The following TMEM143 variants were observed in gnomAD, a reference collection of about 807,000 sequenced individuals.
TMEM143 encodes transmembrane protein 143.
In TMEM143, 45 loss-of-function variants were observed where a neutral mutation model predicts 40.3. The observed-to-expected ratio is 1.12, with a 90% CI of 0.88 to 1.43. The LOEUF is 1.43. Ranked by LOEUF, TMEM143 falls within the 40% of genes most tolerant of loss-of-function variation. The pLI, the probability that TMEM143 is intolerant of heterozygous loss-of-function variation, is 0.00. For missense variants in TMEM143, 620 were observed against 613.4 expected, an observed-to-expected ratio of 1.01 and a Z score of -0.11; for synonymous variants, 299 against 282.7, an observed-to-expected ratio of 1.06 and a Z score of -0.58.
Position 48,333,161 on chromosome 19 carries a change from G to T in TMEM143, c.*58C>A. ...TAATAACCGTAATTGACAGCCTGTCGTGAAGGAGGCGGGGCTTAGTTCCTA... is the reference window on the plus strand; with the variant it reads ...TAATAACCGTAATTGACAGCCTGTCTTGAAGGAGGCGGGGCTTAGTTCCTA... On this transcript the variant is annotated 3_prime_UTR_variant, in exon 8 of 8. Transcript: ENST00000293261. The surrounding 1 kb of genome is among the most constrained non-coding windows in gnomAD (Gnocchi z 4.1). 3.1e-6 allele frequency: 4 copies of T among 1,292,424 alleles called. No individual in the cohort carries two copies. The allele number at this position is 1,292,424 out of a possible 1,614,324, so 80.1% of individuals were successfully genotyped here.
At chr19:48,355,047 T>C (rs400615) in intron 3 of TMEM143, among the ~76,000 whole-genome samples, 114,034 of 151,490 alleles carry the variant, frequency 0.75, 43,084 homozygotes, top group Admixed American at 0.84. Context: ...TTAAGAATCT[T>C]GCTCTGTCAC....
In TMEM143 at chr19:48,342,795, C is replaced by T. The variant is rs946058124; in HGVS notation, c.710G>A (p.Arg237Gln). The change falls in exon 6 of 8, where the codon CGG (arginine) becomes CAG (glutamine). Residue 237 changes from arginine to glutamine, a missense_variant. Coordinates refer to ENST00000293261, the MANE Select transcript of TMEM143 (RefSeq NM_018273.4). ...TTTGGTCCGGGCTGCCAGGACCACCCGCTTAAAGTATCTCCTGAGGGACAG... is the reference window on the plus strand; with the variant it reads ...TTTGGTCCGGGCTGCCAGGACCACCTGCTTAAAGTATCTCCTGAGGGACAG... ...LPPAERRYFK[R>Q]VVLAARTKRG... 17 of 1,604,822 alleles carry T rather than the reference C, an allele frequency of 1.1e-5. No homozygotes were observed. Among genetic ancestry groups the T allele is most frequent in the Non-Finnish European group, 1.4e-5 (17 of 1,172,816 alleles).
chr19:48,334,416 C>T (rs1371992116), intron 6 of TMEM143, among the ~76,000 whole-genome samples: 3 of 108,200 alleles, frequency 2.8e-5, no homozygotes, highest in Admixed American at 1.9e-4. Context: ...TTCTTTTTCT[C>T]TCTTTCTTTC....
rs575819180 is a variant in TMEM143, at chr19:48,358,386, A to C, written c.369+1686T>G. Among the ~76,000 whole-genome samples, 515 of 147,926 alleles carry C rather than the reference A, an allele frequency of 3.5e-3. 6 individuals are homozygous for C. Among genetic ancestry groups the C allele is most frequent in the African/African-American group, 0.012 (497 of 40,438 alleles). On this transcript the variant is annotated intron_variant, in intron 3 of 7. Transcript: ENST00000293261. ...GCAGCAGAGTGAGACTCTGTCTCAG[A>C]AAAAAAAAAAAATATATTAGAATAA... is the stretch of plus-strand genomic sequence containing the variant.
At chr19:48,334,256 G>GC in intron 6 of TMEM143, 59 bp from the exon 7 acceptor site, 3 of 1,500,284 alleles carry the variant, frequency 2.0e-6, no homozygotes, top group Non-Finnish European at 2.7e-6. Context: ...CCCATACACA[G>GC]CCCCCGGGGT....
At chr19:48,337,842 G>T (rs751121315) in intron 6 of TMEM143, among the ~76,000 whole-genome samples, 12 of 152,310 alleles carry the variant, frequency 7.9e-5, no homozygotes, top group Non-Finnish European at 1.8e-4. Context: ...CATTTCTTCG[G>T]TTGAGGGCAA....
intron 1 of TMEM143, 51 bp from the exon 2 acceptor site, chr19:48,363,582 C>A (rs1319500320): frequency 5.2e-6 from 8 of 1,544,856 alleles, no homozygotes; most frequent in African/African-American, 1.4e-5. Context: ...AGGAAAAGCG[C>A]CCTCTCCACC....
chr19:48,339,679 G>A (rs1569025486), intron 6 of TMEM143, among the ~76,000 whole-genome samples: 1 of 152,204 alleles, frequency 6.6e-6, no homozygotes, highest in East Asian at 1.9e-4. Context: ...GCGCAGGAGG[G>A]GACCAGCCAG....
At chr19:48,362,134 G>C (rs1970056408) in intron 2 of TMEM143, among the ~76,000 whole-genome samples, 1 of 152,136 alleles carries the variant, frequency 6.6e-6, no homozygotes, top group Admixed American at 6.6e-5. Flanking sequence ...GTATTTGTGT[G>C]TGTACTTGTA....
intron 6 of TMEM143, among the ~76,000 whole-genome samples, chr19:48,334,460 T>TTCTTTC (rs1466459353): frequency 0.038 from 1,742 of 45,872 alleles, 46 homozygotes; most frequent in African/African-American, 0.12. Flanking sequence ...CTTTCTTTCT[T>TTCTTTC]TCTTTCTTTC....
At chr19:48,352,177 G>A (rs1021903368) in intron 3 of TMEM143, among the ~76,000 whole-genome samples, 5 of 135,154 alleles carry the variant, frequency 3.7e-5, no homozygotes, top group African/African-American at 8.2e-5. Context: ...AACCCGGGAG[G>A]CGGAGCTTGC....
intron 2 of TMEM143, among the ~76,000 whole-genome samples, chr19:48,360,894 C>T (rs1421350505): frequency 1.3e-5 from 2 of 152,088 alleles, no homozygotes; most frequent in Non-Finnish European, 2.9e-5. Flanking sequence ...TGAAGCGATC[C>T]TCCCACCTCA....
intron 3 of TMEM143, among the ~76,000 whole-genome samples, chr19:48,353,179 C>G (rs1412507489): frequency 8.8e-6 from 1 of 113,896 alleles, no homozygotes; most frequent in African/African-American, 3.2e-5. Flanking sequence ...AGATCAACGA[C>G]AAACTTTTTT....
intron 3 of TMEM143, among the ~76,000 whole-genome samples, chr19:48,347,656 A>T: frequency 6.6e-6 from 1 of 150,662 alleles, no homozygotes; most frequent in East Asian, 2.0e-4. Context: ...TCCCAGGTTC[A>T]AGCGATTCTC....
rs1970104550 is a variant in TMEM143 at position 48,363,388 on chromosome 19, T to A, written c.167A>T (p.Lys56Met). Residue 56 changes from lysine to methionine, a missense_variant, in exon 2 of 8, where the codon AAG becomes ATG. Coordinates refer to ENST00000293261, the MANE Select transcript of TMEM143 (RefSeq NM_018273.4). Reference protein sequence around the residue: ...SLAAKMGEYRKMWNPREPRDW... With the variant: ...SLAAKMGEYRMMWNPREPRDW... ...GCGGGGCTCCCTGGGGTTCCACATC[T>A]TGCGATACTCCCCCATTTTGGCTGC... The A allele has an allele frequency of 6.2e-7, 1 of 1,614,036 alleles. No homozygotes were observed. Among genetic ancestry groups the A allele is most frequent in the Non-Finnish European group, 8.5e-7 (1 of 1,180,016 alleles).
rs529313181 is a variant in TMEM143 at position 48,357,567 on chromosome 19, A to G, written c.369+2505T>C. 1.3e-3 allele frequency among the ~76,000 whole-genome samples: 190 copies of G among 151,154 alleles called. 1 individual carries two copies. The highest frequency in any genetic ancestry group is 4.3e-3 in the African/African-American group (178 of 41,152). Reference sequence around the variant, plus strand: ...GAGACAGGGTTTCACCGTGTTAGACAGGATGGTCTCGATCTCCTGACCTCA... The same window carrying G: ...GAGACAGGGTTTCACCGTGTTAGACGGGATGGTCTCGATCTCCTGACCTCA... On this transcript the variant is annotated intron_variant, in intron 3 of 7. Transcript: ENST00000293261.
chr19:48,338,779 G>C (rs890871062), intron 6 of TMEM143, among the ~76,000 whole-genome samples: 94 of 152,120 alleles, frequency 6.2e-4, no homozygotes, highest in African/African-American at 2.2e-3. Context: ...TTGGTGCTGG[G>C]CTAAGGGGCT....
chr19:48,349,531 G>C (rs2147373688), intron 3 of TMEM143, among the ~76,000 whole-genome samples: 1 of 152,198 alleles, frequency 6.6e-6, no homozygotes, highest in South Asian at 2.1e-4. Flanking sequence ...TGTAATCCCA[G>C]CTACTCCGGA....
At chr19:48,351,887 A>G (rs373795029) in intron 3 of TMEM143, among the ~76,000 whole-genome samples, 9 of 152,206 alleles carry the variant, frequency 5.9e-5, no homozygotes, top group African/African-American at 1.9e-4. Flanking sequence ...TGGTATCCAT[A>G]GGACATCAGT....
Sources: allele counts gnomAD v4.1 joint callset (sites outside exome capture counted in the v4.1 genomes callset), GRCh38; gene constraint gnomAD v4.1.1; non-coding constraint Gnocchi (gnomAD v3.1); transcripts MANE v1.5; gene names NCBI Gene and HGNC (gene_info 2026-07-23, HGNC 2026-07-21).